DLG2: variants seen among roughly 807,000 people sequenced by gnomAD.
DLG2 encodes disks large homolog 2.
Under a neutral mutation model 132.5 loss-of-function variants are expected in DLG2, and 45 were observed. The observed-to-expected ratio is 0.34, with a 90% confidence interval of 0.27 to 0.44. The LOEUF (loss-of-function observed/expected upper bound fraction) is 0.44, where lower values mean the gene tolerates loss of function less well. Among genes scored for constraint, DLG2 ranks in the 20% least tolerant of loss-of-function variants. DLG2 has a pLI of 1.00. For synonymous variants in DLG2, 424 were observed against 419.6 expected (o/e 1.01, Z -0.13); for missense variants, 1,045 against 1,196.9 (o/e 0.87, Z 1.87).
intron 7 of DLG2, among the ~76,000 whole-genome samples, chr11:84,382,301 T>C (rs2098751611): frequency 6.6e-6 from 1 of 152,126 alleles, no homozygotes; most frequent in Non-Finnish European, 1.5e-5. Context: ...ATCAAACTAG[T>C]ACCTTCTTTG....
intron 6 of DLG2, among the ~76,000 whole-genome samples, chr11:84,834,507 C>A (rs957038539): frequency 2.0e-5 from 3 of 151,454 alleles, no homozygotes; most frequent in African/African-American, 7.3e-5. Flanking sequence ...TCAGCCTTCA[C>A]CACACAACTG....
intron 7 of DLG2, among the ~76,000 whole-genome samples, chr11:84,302,265 G>A (rs1294560997): frequency 1.3e-5 from 2 of 152,108 alleles, no homozygotes; most frequent in Non-Finnish European, 2.9e-5. Flanking sequence ...GTTGATGGGT[G>A]CAGCAAACCA....
intron 3 of DLG2, among the ~76,000 whole-genome samples, chr11:85,392,160 C>G (rs1196383953): frequency 6.6e-6 from 1 of 151,988 alleles, no homozygotes; most frequent in African/African-American, 2.4e-5. Flanking sequence ...AGTTGAAAAT[C>G]AAATCAAGAA....
rs552221855 is a variant in DLG2 at position 84,548,858 on chromosome 11, C to A, written c.358-14127G>T. Among the ~76,000 whole-genome samples the A allele has an allele frequency of 4.6e-5, 7 of 152,220 alleles. 1 individual carries two copies. In the East Asian group the frequency reaches 1.3e-3, roughly 29 times the overall value. The stretch of plus-strand genomic sequence containing the variant: ...CCAATAAAATAGATTAAAGTGTATG[C>A]AAGGCAGGGAAGAGGTCTGGAAGAA... On this transcript the variant is annotated intron_variant, in intron 6 of 27. Transcript: ENST00000376104.
rs1233990563 is a variant in DLG2, at chr11:85,201,367, A to G, written c.187-46716T>C. Among the ~76,000 whole-genome samples the G allele has an allele frequency of 4.6e-5, 7 of 152,278 alleles. No homozygotes were observed. In the East Asian group the frequency reaches 1.4e-3, roughly 30 times the overall value. ...CCACTCTTGCTACAGTTGAAGACCCATGCTGCCTGTGCTGGAGCCTACATG... is the reference window on the plus strand; with the variant it reads ...CCACTCTTGCTACAGTTGAAGACCCGTGCTGCCTGTGCTGGAGCCTACATG... On this transcript the variant is annotated intron_variant, in intron 4 of 27. Coordinates refer to ENST00000376104, the MANE Select transcript of DLG2 (RefSeq NM_001142699.3).
chr11:84,199,623 T>C (rs1416687359), intron 8 of DLG2, among the ~76,000 whole-genome samples: 1 of 151,558 alleles, frequency 6.6e-6, no homozygotes, highest in African/African-American at 2.4e-5. Flanking sequence ...AAGAACAAAA[T>C]CAAAATTGTA....
At chr11:84,867,757 C>T (rs2084809531) in intron 6 of DLG2, among the ~76,000 whole-genome samples, 1 of 152,110 alleles carries the variant, frequency 6.6e-6, no homozygotes, top group Non-Finnish European at 1.5e-5. Context: ...AGAGTAAACA[C>T]AAAATTGTCA....
intron 2 of DLG2, among the ~76,000 whole-genome samples, chr11:85,610,421 C>G (rs914308360): frequency 1.3e-5 from 2 of 152,194 alleles, no homozygotes; most frequent in South Asian, 4.1e-4. Context: ...CTGTTCTGGA[C>G]CTCAAGGATG....
intron 8 of DLG2, among the ~76,000 whole-genome samples, chr11:84,231,631 G>T (rs2097094852): frequency 6.6e-6 from 1 of 152,164 alleles, no homozygotes; most frequent in Non-Finnish European, 1.5e-5. Flanking sequence ...TGTGTGAAAG[G>T]AATGGAGGAA....
At chr11:84,628,133 T>C (rs2099625905) in intron 6 of DLG2, among the ~76,000 whole-genome samples, 1 of 151,772 alleles carries the variant, frequency 6.6e-6, no homozygotes, top group Non-Finnish European at 1.5e-5. Flanking sequence ...TACACACATA[T>C]AGATATATAT....
chr11:84,967,440 G>C (rs369266112), intron 6 of DLG2, among the ~76,000 whole-genome samples: 11 of 152,124 alleles, frequency 7.2e-5, no homozygotes, highest in African/African-American at 2.4e-4. Flanking sequence ...TTTGGGGCAG[G>C]GGCTGACAAA....
intron 5 of DLG2, among the ~76,000 whole-genome samples, chr11:85,147,819 A>G (rs1049365613): frequency 6.6e-5 from 10 of 152,144 alleles, no homozygotes; most frequent in African/African-American, 1.9e-4. Context: ...TACGTGTGCC[A>G]TGGGTTGCTG....
chr11:83,556,043 A>G (rs2096509332), intron 19 of DLG2, among the ~76,000 whole-genome samples: 2 of 152,230 alleles, frequency 1.3e-5, no homozygotes. Context: ...TGAAACTGTG[A>G]TTAGTCCTCA....
chr11:83,789,023 T>C lies in DLG2; in HGVS notation c.1723-2231A>G, dbSNP rs151132595. On this transcript the variant is annotated intron_variant, in intron 17 of 27. Transcript: ENST00000376104. ...GCCATTTATTATAATAGGCAAACTA[T>C]AAGATGAAAATGAAGGCAACAGATG... is the stretch of plus-strand genomic sequence containing the variant. 2.5e-3 allele frequency among the ~76,000 whole-genome samples: 387 copies of C among 152,282 alleles called. 3 individuals carry two copies. The highest frequency in any genetic ancestry group is 1.0e-2 in the South Asian group (48 of 4,822).
chr11:84,285,814 T>C (rs528153395), intron 7 of DLG2, among the ~76,000 whole-genome samples: 1 of 152,238 alleles, frequency 6.6e-6, no homozygotes, highest in Non-Finnish European at 1.5e-5. Context: ...TACTTCATTA[T>C]GGATAAAAAC....
intron 6 of DLG2, chr11:84,687,335 ATATGAATGAG>A: frequency 6.6e-6 from 1 of 152,142 alleles, no homozygotes; most frequent in Non-Finnish European, 1.5e-5. Context: ...TTAGATGAGA[ATATGAATGAG>A]TATGAATCCT....
intron 6 of DLG2, among the ~76,000 whole-genome samples, chr11:84,906,535 C>G (rs138616044): frequency 1.4e-4 from 22 of 151,858 alleles, no homozygotes; most frequent in Non-Finnish European, 2.6e-4. Context: ...AATTAACTGA[C>G]AGCTTATTAA....
At chr11:83,606,225 C>G (rs766410738) in intron 19 of DLG2, among the ~76,000 whole-genome samples, 1 of 152,154 alleles carries the variant, frequency 6.6e-6, no homozygotes, top group Admixed American at 6.5e-5. Context: ...ACTATACATA[C>G]TAGCATATAT....
At chr11:85,361,018 GA>G (rs796527148) in intron 3 of DLG2, among the ~76,000 whole-genome samples, 5 of 150,522 alleles carry the variant, frequency 3.3e-5, no homozygotes, top group South Asian at 2.1e-4. Context: ...ACAGCTCTAT[GA>G]AAAAAAAATA....
Sources: gnomAD v4.1 joint callset for allele counts (sites outside exome capture counted in the v4.1 genomes callset) on GRCh38, gnomAD v4.1.1 for gene constraint, MANE v1.5 for transcripts, NCBI Gene and HGNC (gene_info 2026-07-23, HGNC 2026-07-21) for gene names.